The following NRG1 variants were observed in gnomAD, a reference collection of about 807,000 sequenced individuals.
The protein encoded by NRG1 is pro-neuregulin-1, membrane-bound isoform.
In NRG1, 18 loss-of-function variants were observed where a neutral mutation model predicts 63.8. The ratio of observed to expected loss-of-function variants is 0.28; its 90% CI spans 0.19 to 0.42. NRG1 has a LOEUF of 0.42. Among genes scored for constraint, NRG1 ranks in the 10% least tolerant of loss-of-function variants. The pLI is 1.00. For synonymous variants in NRG1, 302 were observed against 301.3 expected (o/e 1.00, Z -0.02); for missense variants, 762 against 814.7 (o/e 0.94, Z 0.79).
rs552545504 is a variant in NRG1, at chr8:32,321,999, C to A, written c.38-273829C>A. Among the ~76,000 whole-genome samples, 27 of 152,048 alleles carry A rather than the reference C, an allele frequency of 1.8e-4. No individual in the cohort carries two copies. In the South Asian group the frequency reaches 4.4e-3, roughly 25 times the overall value. On this transcript the variant is annotated intron_variant, in intron 1 of 10. Coordinates refer to the NRG1 transcript ENST00000519301. ...TAGCTCAATTCGTGAGTAAATATTT[C>A]TTTTCCAGCTTTAAAATTTTTTAAA...
intron 1 of NRG1, among the ~76,000 whole-genome samples, chr8:31,643,182 CAGA>C (rs1212434823): frequency 3.3e-5 from 5 of 152,166 alleles, no homozygotes; most frequent in African/African-American, 1.2e-4. Flanking sequence ...TGCTTCTGGT[CAGA>C]AGATTTCAGG....
intron 1 of NRG1, among the ~76,000 whole-genome samples, chr8:31,718,276 C>T (rs1347299395): frequency 1.1e-4 from 16 of 152,012 alleles, no homozygotes; most frequent in Admixed American, 1.0e-3. Context: ...TTCTACATCC[C>T]CTGTCTTTCC....
rs138632072 is a variant in NRG1, at chr8:32,027,037, C to T, written c.37+387606C>T. Among the ~76,000 whole-genome samples the T allele has an allele frequency of 9.8e-3, 1,485 of 151,868 alleles. 12 individuals carry two copies. The highest frequency in any genetic ancestry group is 0.024 in the Middle Eastern group (7 of 290). On this transcript the variant is annotated intron_variant, in intron 1 of 10. Transcript: ENST00000519301. ...TAAGGCTATTGTTTTGAGTTCTTTC[C>T]CCCTTATATCGGTACTCTCCTTTAT...
intron 1 of NRG1, among the ~76,000 whole-genome samples, chr8:32,335,918 A>G (rs1367700646): frequency 6.6e-6 from 1 of 152,076 alleles, no homozygotes; most frequent in Non-Finnish European, 1.5e-5. Context: ...AGACATGGAC[A>G]ATGCTAACAT....
intron 1 of NRG1, among the ~76,000 whole-genome samples, chr8:32,428,036 G>T (rs1433025141): frequency 2.0e-5 from 3 of 152,186 alleles, no homozygotes; most frequent in African/African-American, 7.2e-5. Context: ...TTGACTGGGG[G>T]TTGTTCTCCA....
At chr8:32,183,613 G>A (rs1841664448) in intron 1 of NRG1, among the ~76,000 whole-genome samples, 1 of 152,122 alleles carries the variant, frequency 6.6e-6, no homozygotes, top group Non-Finnish European at 1.5e-5. Flanking sequence ...TCACAAAACA[G>A]GAATCAACCA....
At chr8:31,993,902 T>C (rs1340673576) in intron 1 of NRG1, among the ~76,000 whole-genome samples, 2 of 152,030 alleles carry the variant, frequency 1.3e-5, no homozygotes, top group South Asian at 2.1e-4. Flanking sequence ...TACTGAGTAA[T>C]TGGCTCCATT....
At chr8:32,280,828 C>T (rs1435315152) in intron 1 of NRG1, among the ~76,000 whole-genome samples, 2 of 133,818 alleles carry the variant, frequency 1.5e-5, no homozygotes, top group African/African-American at 2.8e-5. Flanking sequence ...GGTATGATCT[C>T]GGCTCACTGC....
In NRG1 at chr8:32,262,241, C is replaced by A. The variant is rs192062589; in HGVS notation, c.38-333587C>A. ...AAATTTTGCAAATGCATTTTAAATC[C>A]TCTCTTTGTTCCAGCTCCTTGTACA... On this transcript the variant is annotated intron_variant, in intron 1 of 10. Coordinates refer to the NRG1 transcript ENST00000519301. 9.5e-3 allele frequency among the ~76,000 whole-genome samples: 1,449 copies of A among 152,212 alleles called. 12 individuals carry two copies. The highest frequency in any genetic ancestry group is 0.016 in the Non-Finnish European group (1,107 of 68,004).
intron 1 of NRG1, among the ~76,000 whole-genome samples, chr8:31,677,804 CT>C (rs1807880745): frequency 6.6e-6 from 1 of 152,118 alleles, no homozygotes; most frequent in Admixed American, 6.6e-5. Flanking sequence ...ATTTATTTTA[CT>C]TTTATTTGTC....
At chr8:32,386,200 C>G (rs1441462376) in intron 1 of NRG1, among the ~76,000 whole-genome samples, 2 of 152,216 alleles carry the variant, frequency 1.3e-5, no homozygotes, top group Non-Finnish European at 2.9e-5. Context: ...CTACTGGCCT[C>G]AAGCAATCCT....
intron 1 of NRG1, among the ~76,000 whole-genome samples, chr8:32,333,366 C>G (rs1292114662): frequency 6.6e-6 from 1 of 152,126 alleles, no homozygotes; most frequent in Non-Finnish European, 1.5e-5. Context: ...TATCACAATG[C>G]ATTCAGGTAT....
chr8:31,669,430 G>A (rs1480557691), intron 1 of NRG1, among the ~76,000 whole-genome samples: 2 of 151,824 alleles, frequency 1.3e-5, no homozygotes, highest in Non-Finnish European at 2.9e-5. Flanking sequence ...GTAGAGATGG[G>A]GTTTTGCCAT....
At chr8:32,172,883 T>C (rs1001282206) in intron 1 of NRG1, among the ~76,000 whole-genome samples, 2 of 152,110 alleles carry the variant, frequency 1.3e-5, no homozygotes, top group African/African-American at 4.8e-5. Flanking sequence ...CTGAAAGTGA[T>C]GGGGAGAATG....
intron 7 of NRG1, among the ~76,000 whole-genome samples, chr8:32,752,277 C>T (rs547526113): frequency 6.6e-6 from 1 of 152,224 alleles, no homozygotes; most frequent in South Asian, 2.1e-4. Context: ...GGAAGAGAGG[C>T]TACAGCAGCA....
At chr8:32,728,810 A>T (rs2129016066) in intron 6 of NRG1, among the ~76,000 whole-genome samples, 1 of 152,314 alleles carries the variant, frequency 6.6e-6, no homozygotes, top group East Asian at 1.9e-4. Flanking sequence ...TCACGCCTGT[A>T]ATCCCAGCAC....
chr8:32,541,507 G>GAAAAAAA (rs35243395), intron 1 of NRG1, among the ~76,000 whole-genome samples: 3 of 144,098 alleles, frequency 2.1e-5, no homozygotes, highest in African/African-American at 2.6e-5. Flanking sequence ...GAACATACAG[G>GAAAAAAA]AAAAAAAAAA....
At chr8:32,323,690 A>G (rs776105370) in intron 1 of NRG1, among the ~76,000 whole-genome samples, 4 of 152,226 alleles carry the variant, frequency 2.6e-5, no homozygotes, top group Admixed American at 1.3e-4. Flanking sequence ...AATTTGATTC[A>G]TTTCCTCTTT....
intron 1 of NRG1, among the ~76,000 whole-genome samples, chr8:32,482,426 T>TGTGTGTGTGTGTG: frequency 1.8e-5 from 1 of 56,060 alleles, no homozygotes; most frequent in South Asian, 4.5e-4. Context: ...GTGTGTGTGT[T>TGTGTGTGTGTGTG]CTCTGGTATC....
Sources: gnomAD v4.1 joint callset for allele counts (sites outside exome capture counted in the v4.1 genomes callset) on GRCh38, gnomAD v4.1.1 for gene constraint, MANE v1.5 for transcripts, NCBI Gene and HGNC (gene_info 2026-07-23, HGNC 2026-07-21) for gene names.